Variants in FSIP1 observed in about 807,000 individuals in gnomAD.
The protein encoded by FSIP1 is fibrous sheath interacting protein 1.
Under a neutral mutation model 60.9 loss-of-function variants are expected in FSIP1, and 65 were observed. The observed-to-expected ratio is 1.07, with a 90% CI of 0.87 to 1.31. The LOEUF is 1.31. Ranked by LOEUF, FSIP1 falls within the 40% of genes most tolerant of loss-of-function variation. The pLI is 0.00. For synonymous variants in FSIP1, 209 were observed against 221.2 expected (o/e 0.94, Z 0.49); for missense variants, 675 against 665.5 (o/e 1.01, Z -0.16).
At chr15:39,674,847 CTT>C (rs934481254) in intron 10 of FSIP1, among the ~76,000 whole-genome samples, 14 of 152,180 alleles carry the variant, frequency 9.2e-5, no homozygotes, top group African/African-American at 2.6e-4. Flanking sequence ...AAATTTGACT[CTT>C]TTAAAAACAA....
At chr15:39,733,430 G>A (rs866870337) in intron 8 of FSIP1, among the ~76,000 whole-genome samples, 14 of 152,148 alleles carry the variant, frequency 9.2e-5, no homozygotes, top group African/African-American at 3.1e-4. Flanking sequence ...GAAGGAGCTC[G>A]TATGTACAAA....
At chr15:39,669,078 G>A (rs1893615588) in intron 10 of FSIP1, among the ~76,000 whole-genome samples, 1 of 152,178 alleles carries the variant, frequency 6.6e-6, no homozygotes, top group African/African-American at 2.4e-5. Context: ...AAAGGCCTTT[G>A]TGCCCAGCTG....
intron 10 of FSIP1, among the ~76,000 whole-genome samples, chr15:39,620,106 T>C (rs1226252480): frequency 6.6e-6 from 1 of 152,134 alleles, no homozygotes; most frequent in Admixed American, 6.5e-5. Context: ...CAGTGACATA[T>C]ACACAGAAAA....
intron 11 of FSIP1, among the ~76,000 whole-genome samples, chr15:39,611,316 G>T (rs893962451): frequency 5.9e-5 from 9 of 151,280 alleles, no homozygotes; most frequent in Non-Finnish European, 1.3e-4. Flanking sequence ...TTTTGTTGTT[G>T]TTTTTTTTTA....
intron 7 of FSIP1, 33 bp downstream of exon 7, chr15:39,739,632 C>G: frequency 6.4e-7 from 1 of 1,569,754 alleles, no homozygotes; most frequent in Middle Eastern, 1.7e-4. Context: ...CATTTAGCCC[C>G]AAATTCTGGC....
intron 6 of FSIP1, among the ~76,000 whole-genome samples, chr15:39,740,015 T>C (rs1595681610): frequency 6.6e-6 from 1 of 152,230 alleles, no homozygotes; most frequent in African/African-American, 2.4e-5. Flanking sequence ...CTTGTGTAAT[T>C]CATTATCATG....
At chr15:39,629,313 C>T (rs1026159638) in intron 10 of FSIP1, among the ~76,000 whole-genome samples, 2 of 152,182 alleles carry the variant, frequency 1.3e-5, no homozygotes, top group Non-Finnish European at 2.9e-5. Context: ...AAGGTTTACA[C>T]TTCAAGGCTG....
intron 11 of FSIP1, among the ~76,000 whole-genome samples, chr15:39,605,393 C>T (rs954894169): frequency 2.0e-5 from 3 of 152,214 alleles, no homozygotes; most frequent in Non-Finnish European, 4.4e-5. Context: ...TAATGCTCTG[C>T]AGTTTGTAAC....
chr15:39,648,370 T>C (rs1375360776), intron 10 of FSIP1, among the ~76,000 whole-genome samples: 1 of 152,204 alleles, frequency 6.6e-6, no homozygotes, highest in African/African-American at 2.4e-5. Flanking sequence ...TAACAATATA[T>C]AATGTTTGCT....
At chr15:39,673,377 A>T (rs1037058729) in intron 10 of FSIP1, among the ~76,000 whole-genome samples, 1 of 152,216 alleles carries the variant, frequency 6.6e-6, no homozygotes, top group Admixed American at 6.5e-5. Flanking sequence ...ACAGTGACCC[A>T]ATCATAGCTC....
At chr15:39,731,306 A>G (rs928016320) in intron 8 of FSIP1, among the ~76,000 whole-genome samples, 2 of 152,190 alleles carry the variant, frequency 1.3e-5, no homozygotes, top group Non-Finnish European at 2.9e-5. Flanking sequence ...CTTAAAAAAA[A>G]AGAAAGTTAT....
At chr15:39,602,323 G>A in intron 11 of FSIP1, 1 of 456,358 alleles carries the variant, frequency 2.2e-6, no homozygotes, top group Non-Finnish European at 4.4e-6. Context: ...AAGAAGCATG[G>A]AAGCGTTCTA....
intron 11 of FSIP1, 88 bp from the exon 12 acceptor site, chr15:39,601,014 A>C: frequency 3.0e-6 from 3 of 1,010,000 alleles, no homozygotes; most frequent in Non-Finnish European, 4.5e-6. Context: ...AAAATATTAA[A>C]TCCCTTTACA....
intron 10 of FSIP1, among the ~76,000 whole-genome samples, chr15:39,628,479 A>T (rs965061798): frequency 3.9e-5 from 6 of 152,114 alleles, no homozygotes; most frequent in African/African-American, 1.4e-4. Context: ...GCAGGAGAAG[A>T]CCCTAAAAGC....
intron 11 of FSIP1, among the ~76,000 whole-genome samples, chr15:39,616,330 G>A (rs543385733): frequency 3.9e-5 from 6 of 152,278 alleles, no homozygotes; most frequent in African/African-American, 1.2e-4. Flanking sequence ...CATGGAAAAT[G>A]TAACAATGAA....
intron 1 of FSIP1, among the ~76,000 whole-genome samples, chr15:39,779,056 T>A (rs965712348): frequency 6.6e-6 from 1 of 151,866 alleles, no homozygotes; most frequent in African/African-American, 2.4e-5. Flanking sequence ...GAACTCTAAG[T>A]GAAATTAAAA....
intron 10 of FSIP1, among the ~76,000 whole-genome samples, chr15:39,647,137 T>A (rs548015015): frequency 8.5e-5 from 13 of 152,174 alleles, no homozygotes; most frequent in Non-Finnish European, 1.8e-4. Flanking sequence ...CATAAAAGGA[T>A]ACAAAGTTGC....
At chr15:39,772,419 G>C (rs1897918871) in intron 2 of FSIP1, among the ~76,000 whole-genome samples, 1 of 150,686 alleles carries the variant, frequency 6.6e-6, no homozygotes, top group Admixed American at 6.6e-5. Flanking sequence ...CAGCCTCCCT[G>C]ACTAGCTGGA....
chr15:39,684,100 A>G (rs1039262812), intron 10 of FSIP1, among the ~76,000 whole-genome samples: 3 of 152,226 alleles, frequency 2.0e-5, no homozygotes, highest in Admixed American at 1.3e-4. Flanking sequence ...TAAAATTTAT[A>G]TGAAAAGACA....
Sources: gnomAD v4.1 joint callset for allele counts (sites outside exome capture counted in the v4.1 genomes callset) on GRCh38, gnomAD v4.1.1 for gene constraint, MANE v1.5 for transcripts, NCBI Gene and HGNC (gene_info 2026-07-23, HGNC 2026-07-21) for gene names.